Variants in CD3D observed in about 807,000 individuals in gnomAD.
CD3D encodes CD3 delta subunit of T-cell receptor complex.
In CD3D, 22 loss-of-function variants were observed where a neutral mutation model predicts 22.0. That is an observed-to-expected ratio of 1.00 (90% CI 0.71 to 1.43). The LOEUF (loss-of-function observed/expected upper bound fraction) is 1.43, where lower values mean the gene tolerates loss of function less well. CD3D is among the 40% of genes most tolerant of loss of function. The pLI is 0.00. For synonymous variants in CD3D, 74 were observed against 81.2 expected (o/e 0.91, Z 0.48); for missense variants, 205 against 211.7 (o/e 0.97, Z 0.20).
intron 4 of CD3D, 40 bp from the exon 5 acceptor site, chr11:118,339,267 A>G: frequency 6.3e-7 from 1 of 1,589,710 alleles, no homozygotes; most frequent in Non-Finnish European, 8.6e-7. Flanking sequence ...AGGCAGGGTT[A>G]GAACTCTTCA....
chr11:118,340,844 C>G (rs1023603657), intron 1 of CD3D: 1 of 648,710 alleles, frequency 1.5e-6, no homozygotes, highest in East Asian at 3.1e-5. Context: ...AAAGAGGACC[C>G]CTCAGAGCAG....
At chr11:118,340,908 G>A in intron 1 of CD3D, 2 of 575,962 alleles carry the variant, frequency 3.5e-6, no homozygotes, top group African/African-American at 1.8e-5. Flanking sequence ...TGAGGAGTAG[G>A]GGGAGCACGG....
chr11:118,340,418 A>G lies in CD3D; in HGVS notation c.231T>C (p.Asp77=), dbSNP rs763052940. 4 of 1,614,010 alleles carry G rather than the reference A, an allele frequency of 2.5e-6. No individual in the cohort carries two copies. The African/African-American group carries it at 5.3e-5, about 22-fold the overall frequency. The change falls in exon 2 of 5, where the codon GAT becomes GAC. Residue 77 remains aspartate (D), a synonymous_variant. Transcript: ENST00000300692. ...PRGIYRCNGT[D]IYKDKESTVQ... ...CGGTAGATTCTTTGTCCTTGTATAT[A>G]TCTGTCCCATTACACCTATATATTC...
At chr11:118,340,315 A>G (rs1043116514) in intron 2 of CD3D, 60 bp downstream of exon 2, 9 of 1,330,866 alleles carry the variant, frequency 6.8e-6, no homozygotes, top group Non-Finnish European at 8.7e-6. Context: ...CTCTAGCCAG[A>G]AAGTTCTCAC....
intron 2 of CD3D, 56 bp from the exon 3 acceptor site, chr11:118,339,962 A>C (rs1565517745): frequency 6.2e-7 from 1 of 1,608,804 alleles, no homozygotes; most frequent in East Asian, 2.2e-5. Flanking sequence ...TCAGGGAACC[A>C]TCCTCTGCCT....
intron 2 of CD3D, 89 bp from the exon 3 acceptor site, chr11:118,339,995 T>G: frequency 5.2e-6 from 8 of 1,535,176 alleles, no homozygotes; most frequent in East Asian, 2.3e-5. Flanking sequence ...CTTAGATCTC[T>G]TATGCCAAAA....
At chr11:118,339,683 C>G in intron 3 of CD3D, 92 bp downstream of exon 3, 1 of 1,583,848 alleles carries the variant, frequency 6.3e-7, no homozygotes. Flanking sequence ...CAGCCCCATT[C>G]CTTAGCTGGT....
Position 118,339,819 on chromosome 11 carries a change from C to T in CD3D, c.362G>A (p.Gly121Glu). The change falls in exon 3 of 5, where the codon GGA becomes GAA. Residue 121 changes from glycine (G) to glutamate (E), a missense_variant. Coordinates refer to ENST00000300692, the MANE Select transcript of CD3D (RefSeq NM_000732.6). ...CTCATGTCCAGCAAAGCAGAAGACTCCCAAAGCAAGGAGCAGAGTGGCAAT... is the reference window on the plus strand; with the variant it reads ...CTCATGTCCAGCAAAGCAGAAGACTTCCAAAGCAAGGAGCAGAGTGGCAAT... ...DVIATLLLAL[G>E]VFCFAGHETG... 1 of 1,613,908 alleles carries T rather than the reference C, an allele frequency of 6.2e-7. No individual in the cohort carries two copies. Among genetic ancestry groups the T allele is most frequent in the South Asian group, 1.1e-5 (1 of 91,070 alleles).
chr11:118,339,837 G>T lies in CD3D; in HGVS notation c.344C>A (p.Thr115Asn), dbSNP rs1948284447. 6.2e-7 allele frequency: 1 copy of T among 1,613,904 alleles called. No individual in the cohort carries two copies. Among genetic ancestry groups the T allele is most frequent in the Admixed American group, 1.7e-5 (1 of 59,978 alleles). ...GAAGACTCCCAAAGCAAGGAGCAGAGTGGCAATGACATCAGTGACAATGAT... is the reference window on the plus strand; with the variant it reads ...GAAGACTCCCAAAGCAAGGAGCAGATTGGCAATGACATCAGTGACAATGAT... ...AGIIVTDVIATLLLALGVFCF... is the reference protein window; with the variant it reads ...AGIIVTDVIANLLLALGVFCF... Residue 115 changes from threonine to asparagine, a missense_variant, in exon 3 of 5, where the codon ACT becomes AAT. Coordinates refer to ENST00000300692, the MANE Select transcript of CD3D (RefSeq NM_000732.6).
chr11:118,340,268 A>G (rs1038976780), intron 2 of CD3D, 107 bp downstream of exon 2: 1 of 906,254 alleles, frequency 1.1e-6, no homozygotes, highest in Admixed American at 1.9e-5. Flanking sequence ...TAGTGACCTC[A>G]CTTTGTTTAG....
chr11:118,339,944 C>T (rs747445396), intron 2 of CD3D, 38 bp from the exon 3 acceptor site: 2 of 1,613,648 alleles, frequency 1.2e-6, no homozygotes, highest in Non-Finnish European at 1.7e-6. Flanking sequence ...GGTTGAGAGC[C>T]TTTAAGATCA....
chr11:118,339,251 G>A (rs763545091), intron 4 of CD3D, 24 bp from the exon 5 acceptor site: 3 of 1,605,892 alleles, frequency 1.9e-6, no homozygotes, highest in Middle Eastern at 1.7e-4. Context: ...AGAGAAAACG[G>A]TCAGGAGGCA....
chr11:118,342,110 A>G (rs1378973017), intron 1 of CD3D, among the ~76,000 whole-genome samples: 1 of 151,976 alleles, frequency 6.6e-6, no homozygotes, highest in Non-Finnish European at 1.5e-5. Context: ...TCTATGCTAC[A>G]TCCTGCCCCT....
At chr11:118,342,517 C>G (rs1165467507) in intron 1 of CD3D, 36 bp downstream of exon 1, 3 of 1,593,546 alleles carry the variant, frequency 1.9e-6, no homozygotes, top group Admixed American at 3.3e-5. Context: ...ATGTCCCTCT[C>G]AGGTCCCTTC....
chr11:118,341,189 G>T lies in CD3D; in HGVS notation c.56-596C>A, dbSNP rs146465673. 4.6e-3 allele frequency among the ~76,000 whole-genome samples: 708 copies of T among 152,266 alleles called. 6 individuals are homozygous for T. Among genetic ancestry groups the T allele is most frequent in the African/African-American group, 0.016 (668 of 41,556 alleles). On this transcript the variant is annotated intron_variant, in intron 1 of 4. Transcript: ENST00000300692. ...CCAGCCCCTGAATTATCAGCCAAGT[G>T]GTCCAGAACGGGACCAGGGCAAATC...
intron 3 of CD3D, 131 bp from the exon 4 acceptor site, chr11:118,339,625 C>T (rs1565517553): frequency 6.4e-6 from 10 of 1,555,216 alleles, no homozygotes; most frequent in Non-Finnish European, 8.8e-6. Context: ...TTCTAGGAGT[C>T]TTTAGGAGAT....
At chr11:118,340,134 G>A (rs1345650059) in intron 2 of CD3D, among the ~76,000 whole-genome samples, 1 of 152,144 alleles carries the variant, frequency 6.6e-6, no homozygotes, top group Non-Finnish European at 1.5e-5. Context: ...CCTTGAACAA[G>A]GTGGTGGGCC....
intron 1 of CD3D, chr11:118,340,885 T>G (rs950390182): frequency 2.3e-5 from 14 of 601,936 alleles, no homozygotes; most frequent in African/African-American, 3.6e-5. Context: ...TGGAAATGAA[T>G]CCAGACCACT....
rs1948279272 is a variant in CD3D at position 118,339,455 on chromosome 11, T to C, written c.446A>G (p.Tyr149Cys). Residue 149 changes from tyrosine (Y) to cysteine (C), a missense_variant, in exon 4 of 5, where the codon TAT (tyrosine) becomes TGT (cysteine). Physicochemically the swap from Tyr to Cys is radical, Grantham distance 194. Transcript: ENST00000300692. ...CTCCTTCCCCTCAACGCTCACCTGA[T>C]AGACCTGGTCATTCCTCAACAGAGC... ...TQALLRNDQV[Y>C]QPLRDRDDAQ... 3 of 1,614,068 alleles carry C rather than the reference T, an allele frequency of 1.9e-6. No homozygotes were observed. In the East Asian group the frequency reaches 6.7e-5, roughly 36 times the overall value.
Sources: gnomAD v4.1 joint callset for allele counts (sites outside exome capture counted in the v4.1 genomes callset) on GRCh38, gnomAD v4.1.1 for gene constraint, MANE v1.5 for transcripts, NCBI Gene and HGNC (gene_info 2026-07-23, HGNC 2026-07-21) for gene names.